Variants in NXPE2 observed in about 807,000 individuals in gnomAD.
The protein encoded by NXPE2 is neurexophilin and PC-esterase domain family member 2.
Under a neutral mutation model 34.4 loss-of-function variants are expected in NXPE2, and 34 were observed. The ratio of observed to expected loss-of-function variants is 0.99; its 90% CI spans 0.75 to 1.31. NXPE2 has a LOEUF of 1.31. Ranked by LOEUF, NXPE2 falls within the 40% of genes most tolerant of loss-of-function variation. NXPE2 has a pLI of 0.00. For missense variants in NXPE2, 649 were observed against 672.5 expected (o/e 0.97, Z 0.39); for synonymous variants, 235 against 231.3 (o/e 1.02, Z -0.15).
the NXPE2 span, among the ~76,000 whole-genome samples, chr11:114,745,153 CTTAG>C: frequency 1.4e-4 from 22 of 152,128 alleles, no homozygotes; most frequent in African/African-American, 5.1e-4. Flanking sequence ...TAAGATCTGT[CTTAG>C]TTTGTTTGTG....
chr11:114,751,125 C>T, the NXPE2 span, among the ~76,000 whole-genome samples: 1 of 152,254 alleles, frequency 6.6e-6, no homozygotes, highest in East Asian at 1.9e-4. Flanking sequence ...ACCGAAGAAG[C>T]ATGCATGGGC....
At chr11:114,700,395 G>A (rs1951343222) in intron 3 of NXPE2, among the ~76,000 whole-genome samples, 3 of 152,186 alleles carry the variant, frequency 2.0e-5, no homozygotes, top group Admixed American at 1.3e-4. Flanking sequence ...TGAGTTAAGT[G>A]AGGGAGTAAG....
At chr11:114,483,321 T>A in the NXPE2 span, among the ~76,000 whole-genome samples, 1 of 152,226 alleles carries the variant, frequency 6.6e-6, no homozygotes, top group Non-Finnish European at 1.5e-5. Flanking sequence ...ATAGGTAGTA[T>A]TACATAGTGG....
chr11:114,617,547 C>G, the NXPE2 span, among the ~76,000 whole-genome samples: 1 of 152,016 alleles, frequency 6.6e-6, no homozygotes. Context: ...ACCACTGTTA[C>G]CCAGTGGAAA....
At chr11:114,505,483 C>T in the NXPE2 span, among the ~76,000 whole-genome samples, 5 of 152,064 alleles carry the variant, frequency 3.3e-5, no homozygotes, top group Non-Finnish European at 5.9e-5. Context: ...AGAGAAAGGC[C>T]AGGTCATATA....
chr11:114,662,426 G>GTGCT, the NXPE2 span, among the ~76,000 whole-genome samples: 1 of 152,186 alleles, frequency 6.6e-6, no homozygotes, highest in Non-Finnish European at 1.5e-5. Context: ...GCAGGCTAAA[G>GTGCT]TGCTATAGGA....
chr11:114,523,621 A>G, the NXPE2 span, among the ~76,000 whole-genome samples: 2 of 152,234 alleles, frequency 1.3e-5, no homozygotes, highest in Admixed American at 1.3e-4. Flanking sequence ...GCTAAAAGCA[A>G]CATGCAACAT....
chr11:114,757,049 A>G, the NXPE2 span, among the ~76,000 whole-genome samples: 3 of 152,166 alleles, frequency 2.0e-5, no homozygotes, highest in Non-Finnish European at 4.4e-5. Context: ...TTCCAGCTGC[A>G]CTTGATAAAG....
the NXPE2 span, among the ~76,000 whole-genome samples, chr11:114,533,069 G>C: frequency 6.6e-6 from 1 of 152,116 alleles, no homozygotes. Context: ...TCAACATAAC[G>C]TTAGAAGTCC....
the NXPE2 span, among the ~76,000 whole-genome samples, chr11:114,524,492 AG>A: frequency 3.3e-5 from 5 of 152,200 alleles, no homozygotes; most frequent in Non-Finnish European, 7.3e-5. Flanking sequence ...CACTTGGAAT[AG>A]CTCTTAAGTC....
chr11:114,755,489 G>T, the NXPE2 span, among the ~76,000 whole-genome samples: 3 of 152,130 alleles, frequency 2.0e-5, no homozygotes, highest in African/African-American at 7.2e-5. Context: ...TATCCTGGAT[G>T]TGTGCTCTTC....
the NXPE2 span, among the ~76,000 whole-genome samples, chr11:114,605,542 T>G: frequency 3.3e-5 from 5 of 151,688 alleles, no homozygotes; most frequent in Non-Finnish European, 7.4e-5. Context: ...GATAATGTGT[T>G]GCCTCATGGG....
chr11:114,546,255 A>C, the NXPE2 span, among the ~76,000 whole-genome samples: 1 of 152,146 alleles, frequency 6.6e-6, no homozygotes, highest in Admixed American at 6.5e-5. Context: ...ATGAACAAAT[A>C]AGTAAATAAA....
the NXPE2 span, among the ~76,000 whole-genome samples, chr11:114,776,742 C>T: frequency 6.6e-6 from 1 of 152,222 alleles, no homozygotes; most frequent in East Asian, 1.9e-4. Context: ...GGGAGTCTAT[C>T]TAATATATCT....
the NXPE2 span, among the ~76,000 whole-genome samples, chr11:114,557,190 G>A: frequency 6.6e-6 from 1 of 152,076 alleles, no homozygotes; most frequent in South Asian, 2.1e-4. Flanking sequence ...TACCGTGCCC[G>A]GCCCCCTTTT....
the NXPE2 span, among the ~76,000 whole-genome samples, chr11:114,794,337 T>C: frequency 1.3e-5 from 2 of 152,292 alleles, no homozygotes; most frequent in Non-Finnish European, 2.9e-5. Flanking sequence ...ATTGCAATAA[T>C]ATTTTTCAAG....
chr11:114,810,290 T>C, the NXPE2 span, among the ~76,000 whole-genome samples: 1 of 151,084 alleles, frequency 6.6e-6, no homozygotes, highest in Non-Finnish European at 1.5e-5. Context: ...GGCAAGGACT[T>C]CATGTCTAGA....
the NXPE2 span, among the ~76,000 whole-genome samples, chr11:114,635,598 G>T: frequency 6.6e-6 from 1 of 151,792 alleles, no homozygotes; most frequent in African/African-American, 2.4e-5. Context: ...ATTGGCTGTG[G>T]GTTTGTCATA....
intron 2 of NXPE2, among the ~76,000 whole-genome samples, chr11:114,693,776 GC>G (rs1951197889): frequency 6.6e-6 from 1 of 152,068 alleles, no homozygotes; most frequent in Non-Finnish European, 1.5e-5. Flanking sequence ...TAGAAATCAG[GC>G]AAAACCCTGA....
Sources: allele counts gnomAD v4.1 joint callset (sites outside exome capture counted in the v4.1 genomes callset), GRCh38; gene constraint gnomAD v4.1.1; transcripts MANE v1.5; gene names NCBI Gene and HGNC (gene_info 2026-07-23, HGNC 2026-07-21).